The following ADGRV1 variants were observed in gnomAD, a reference collection of about 807,000 sequenced individuals.
ADGRV1 encodes adhesion G protein-coupled receptor V1.
Under a neutral mutation model 596.2 loss-of-function variants are expected in ADGRV1, and 359 were observed. The observed-to-expected ratio is 0.60, with a 90% CI of 0.55 to 0.66. The LOEUF is 0.66. Among genes scored for constraint, ADGRV1 ranks in the 30% least tolerant of loss-of-function variants. The pLI, the probability that ADGRV1 is intolerant of heterozygous loss-of-function variation, is 0.00. For missense variants in ADGRV1, 7,274 were observed against 7,575.6 expected (o/e 0.96, Z 1.48); for synonymous variants, 2,681 against 2,679.2 (o/e 1.00, Z -0.02).
At position 90,810,813 on chromosome 5, in the gene ADGRV1, G is replaced by T. The variant is rs753007257; in HGVS notation, c.15553G>T (p.Val5185Leu). Residue 5185 changes from valine (V) to leucine (L), a missense_variant, in exon 74 of 90, where the codon GTA becomes TTA. Transcript: ENST00000405460. The stretch of plus-strand genomic sequence containing the variant: ...TGCCATTGTTACTGAGGCAACTGGT[G>T]TATCTGCCATCCCTGAGAAACTTGT... ...VVAIVTEATG[V>L]SAIPEKLVTL... The T allele has an allele frequency of 6.2e-7, 1 of 1,614,010 alleles. No homozygotes were observed. The highest frequency in any genetic ancestry group is 8.5e-7 in the Non-Finnish European group (1 of 1,179,890).
chr5:91,148,313 T>C (rs1795727992), intron 87 of ADGRV1, among the ~76,000 whole-genome samples: 1 of 152,098 alleles, frequency 6.6e-6, no homozygotes, highest in Non-Finnish European at 1.5e-5. Flanking sequence ...GCCCCTCCCA[T>C]CACAGGCCCG....
Position 90,693,903 on chromosome 5 carries a change from G to T in ADGRV1, c.7147G>T (p.Gly2383Cys), listed in dbSNP as rs1343632533. 1.3e-6 allele frequency: 2 copies of T among 1,553,090 alleles called. No individual in the cohort carries two copies. The highest frequency in any genetic ancestry group is 1.7e-6 in the Non-Finnish European group (2 of 1,148,538). ...TCCACATTTTAGCGGAGGGCACTTT[G>T]GTCGGCTGTTGTTGTTCTACAGTAC... is the stretch of plus-strand genomic sequence containing the variant. ...ITVRRSGGHF[G>C]RLLLFYSTSD... The change falls in exon 33 of 90, where the codon GGT (glycine) becomes TGT (cysteine). Residue 2383 changes from glycine to cysteine, a missense_variant. By Grantham distance (159) the Gly-to-Cys change is radical (BLOSUM62 -3). Transcript: ENST00000405460.
intron 4 of ADGRV1, among the ~76,000 whole-genome samples, chr5:90,622,374 A>G (rs1200400665): frequency 6.6e-6 from 1 of 152,200 alleles, no homozygotes; most frequent in East Asian, 1.9e-4. Flanking sequence ...AAGAAACCAC[A>G]TCTTTTGCCT....
chr5:90,949,132 CA>C (rs1776850925), intron 83 of ADGRV1, among the ~76,000 whole-genome samples: 1 of 152,078 alleles, frequency 6.6e-6, no homozygotes, highest in East Asian at 1.9e-4. Context: ...CAGGAAATAG[CA>C]CATACTACAT....
intron 83 of ADGRV1, among the ~76,000 whole-genome samples, chr5:90,866,341 GTGTA>G (rs1195537449): frequency 2.6e-5 from 4 of 151,590 alleles, no homozygotes; most frequent in South Asian, 2.1e-4. Flanking sequence ...GTGTGTGTGT[GTGTA>G]TTTTCTTGAT....
At chr5:91,042,224 T>C (rs1049725104) in intron 85 of ADGRV1, among the ~76,000 whole-genome samples, 26 of 152,222 alleles carry the variant, frequency 1.7e-4, no homozygotes, top group African/African-American at 6.0e-4. Context: ...AAATTATCTT[T>C]ATCTTAAATA....
chr5:91,027,517 A>G (rs1344519614), intron 85 of ADGRV1, among the ~76,000 whole-genome samples: 4 of 152,152 alleles, frequency 2.6e-5, no homozygotes, highest in African/African-American at 9.6e-5. Flanking sequence ...CTACTGGGCT[A>G]GTTAGGACAG....
chr5:90,704,584 A>G (rs1046110526), intron 36 of ADGRV1, 96 bp downstream of exon 36: 25 of 689,210 alleles, frequency 3.6e-5, no homozygotes, highest in South Asian at 1.4e-4. Context: ...ATGCATACCA[A>G]TTTTTAAAAT....
chr5:90,762,960 C>A lies in ADGRV1; in HGVS notation c.12121-345C>A, dbSNP rs1756666931. 3 of 172,712 alleles carry A rather than the reference C, an allele frequency of 1.7e-5. No homozygotes were observed. In the South Asian group the frequency reaches 4.6e-4, roughly 27 times the overall value. 10.7% of individuals were successfully genotyped at this position (172,712 alleles called of 1,614,324 possible). A position where few individuals can be genotyped will look rare whatever the true frequency, so the allele number is the denominator to read the frequency against. On this transcript the variant is annotated intron_variant, in intron 58 of 89. Transcript: ENST00000405460. ...TCCTCTTCTAGGTCCTGGGCCTCCT[C>A]TCTATTCACCTGCCAAATGGAAAAG...
At chr5:90,813,198 T>TCTC (rs1762604955) in intron 74 of ADGRV1, among the ~76,000 whole-genome samples, 1 of 122,368 alleles carries the variant, frequency 8.2e-6, no homozygotes, top group Admixed American at 8.6e-5. Flanking sequence ...CTTCTCATTC[T>TCTC]AATAGAGACA....
intron 84 of ADGRV1, among the ~76,000 whole-genome samples, chr5:90,972,774 A>C (rs932796270): frequency 1.3e-5 from 2 of 152,212 alleles, no homozygotes; most frequent in Non-Finnish European, 2.9e-5. Context: ...TTGACACGCT[A>C]ACATCACAAT....
intron 50 of ADGRV1, among the ~76,000 whole-genome samples, chr5:90,744,621 G>A (rs1276202827): frequency 6.6e-6 from 1 of 151,976 alleles, no homozygotes; most frequent in African/African-American, 2.4e-5. Context: ...AGAGTTTTTT[G>A]TATTTATACT....
chr5:90,853,471 A>G lies in ADGRV1; in HGVS notation c.17392A>G (p.Thr5798Ala), dbSNP rs1766727929. The change falls in exon 80 of 90, where the codon ACA becomes GCA. Residue 5798 changes from threonine (T) to alanine (A), a missense_variant. Transcript: ENST00000405460. ...AAGTACATGTAAATTAGTCCAGTTT[A>G]CAGAGTATAGCAGCCAACAGTGGTT... ...GKSTCKLVQF[T>A]EYSSQQWFIS... is the part of the protein sequence containing the mutation. 1.9e-6 allele frequency: 3 copies of G among 1,613,210 alleles called. No individual in the cohort carries two copies. The highest frequency in any genetic ancestry group is 2.5e-6 in the Non-Finnish European group (3 of 1,179,396).
chr5:90,733,731 T>G (rs904638999), intron 50 of ADGRV1, among the ~76,000 whole-genome samples: 2 of 152,190 alleles, frequency 1.3e-5, no homozygotes, highest in Non-Finnish European at 2.9e-5. Context: ...GTATACAACA[T>G]GGAATATTAA....
chr5:91,121,347 G>A (rs534376635), intron 87 of ADGRV1, among the ~76,000 whole-genome samples: 5 of 152,200 alleles, frequency 3.3e-5, no homozygotes, highest in South Asian at 2.1e-4. Flanking sequence ...GAATGCACCC[G>A]TCCTTGTACC....
chr5:91,014,059 G>T (rs1051292652), intron 85 of ADGRV1, among the ~76,000 whole-genome samples: 3 of 150,214 alleles, frequency 2.0e-5, no homozygotes, highest in Admixed American at 6.7e-5. Flanking sequence ...TGTTCCGTTG[G>T]TCTATGTGTC....
chr5:90,693,804 TA>T, intron 32 of ADGRV1, 85 bp from the exon 33 acceptor site: 2 of 1,025,188 alleles, frequency 2.0e-6, no homozygotes, highest in South Asian at 1.9e-5. Context: ...TTTAAAAAAC[TA>T]AAGACCACAG....
intron 78 of ADGRV1, among the ~76,000 whole-genome samples, chr5:90,843,668 C>CT (rs1765623195): frequency 1.3e-5 from 2 of 152,144 alleles, no homozygotes; most frequent in Admixed American, 1.3e-4. Context: ...AACTTGACCA[C>CT]ATACAGTTTA....
chr5:90,826,856 T>TC (rs1764118941), intron 76 of ADGRV1, among the ~76,000 whole-genome samples: 1 of 152,182 alleles, frequency 6.6e-6, no homozygotes. Flanking sequence ...TTCAATACTT[T>TC]CACTTTTGAA....
Sources: gnomAD v4.1 joint callset for allele counts (sites outside exome capture counted in the v4.1 genomes callset) on GRCh38, gnomAD v4.1.1 for gene constraint, MANE v1.5 for transcripts, NCBI Gene and HGNC (gene_info 2026-07-23, HGNC 2026-07-21) for gene names.